EXOC6B: variants seen among roughly 807,000 people sequenced by gnomAD.
EXOC6B encodes the protein SEC15 homolog B.
Under a neutral mutation model 113.5 loss-of-function variants are expected in EXOC6B, and 54 were observed. The ratio of observed to expected loss-of-function variants is 0.48; its 90% CI spans 0.38 to 0.60. The LOEUF is 0.60. Ranked by LOEUF, EXOC6B falls within the 20% of genes least tolerant of loss-of-function variation. EXOC6B has a pLI of 0.00. For missense variants in EXOC6B, 797 were observed against 977.5 expected (o/e 0.82, Z 2.46); for synonymous variants, 357 against 339.0 (o/e 1.05, Z -0.58).
intron 8 of EXOC6B, among the ~76,000 whole-genome samples, chr2:72,532,228 G>A (rs1000576595): frequency 1.3e-5 from 2 of 152,100 alleles, no homozygotes; most frequent in Non-Finnish European, 2.9e-5. Flanking sequence ...AAAAGGAAAT[G>A]AATGGCCTCT....
intron 18 of EXOC6B, among the ~76,000 whole-genome samples, chr2:72,439,782 T>G (rs976071156): frequency 6.6e-5 from 10 of 152,214 alleles, no homozygotes; most frequent in Non-Finnish European, 1.5e-4. Flanking sequence ...ATACAGTCAT[T>G]TGGAAGAAAG....
At chr2:72,644,856 G>A (rs940532837) in intron 6 of EXOC6B, among the ~76,000 whole-genome samples, 3 of 152,086 alleles carry the variant, frequency 2.0e-5, no homozygotes, top group Admixed American at 6.5e-5. Context: ...AAAGAACATC[G>A]ATGCTAGGAA....
chr2:72,387,004 T>C (rs757295311), intron 18 of EXOC6B, among the ~76,000 whole-genome samples: 5 of 152,170 alleles, frequency 3.3e-5, no homozygotes, highest in Non-Finnish European at 5.9e-5. Flanking sequence ...TTAAGTAAAA[T>C]GTTAGCTATA....
intron 1 of EXOC6B, among the ~76,000 whole-genome samples, chr2:72,794,378 C>T (rs1272217988): frequency 6.6e-6 from 1 of 152,158 alleles, no homozygotes; most frequent in Non-Finnish European, 1.5e-5. Flanking sequence ...GTCACATAAC[C>T]TTTATTTTTA....
chr2:72,548,513 A>C (rs139956317), intron 8 of EXOC6B, among the ~76,000 whole-genome samples: 51 of 152,276 alleles, frequency 3.3e-4, no homozygotes, highest in Middle Eastern at 3.4e-3. Flanking sequence ...ACTTTTTGTT[A>C]CTTATGTTAT....
At chr2:72,479,484 G>T (rs988773095) in intron 17 of EXOC6B, among the ~76,000 whole-genome samples, 2 of 152,048 alleles carry the variant, frequency 1.3e-5, no homozygotes, top group African/African-American at 2.4e-5. Flanking sequence ...ATAAATCATG[G>T]TTCCAACTCT....
At chr2:72,304,530 T>G (rs1164573711) in intron 20 of EXOC6B, among the ~76,000 whole-genome samples, 1 of 152,228 alleles carries the variant, frequency 6.6e-6, no homozygotes, top group Non-Finnish European at 1.5e-5. Flanking sequence ...AAATGAGAGC[T>G]AATTATTATT....
intron 18 of EXOC6B, among the ~76,000 whole-genome samples, chr2:72,461,023 CA>C (rs574206763): frequency 2.0e-5 from 3 of 151,676 alleles, no homozygotes; most frequent in Non-Finnish European, 4.4e-5. Flanking sequence ...GAATACTATG[CA>C]GCCATAAAAA....
chr2:72,778,894 G>A (rs1683868208), intron 1 of EXOC6B, among the ~76,000 whole-genome samples: 1 of 151,906 alleles, frequency 6.6e-6, no homozygotes, highest in South Asian at 2.1e-4. Flanking sequence ...AAATATATTA[G>A]TTTTTTTAAA....
intron 20 of EXOC6B, among the ~76,000 whole-genome samples, chr2:72,202,680 C>T (rs963098764): frequency 6.6e-6 from 1 of 152,190 alleles, no homozygotes; most frequent in African/African-American, 2.4e-5. Context: ...CCCATGTCTA[C>T]AAGAAAATCA....
chr2:72,325,705 C>A (rs374040166), intron 20 of EXOC6B, among the ~76,000 whole-genome samples: 2 of 151,990 alleles, frequency 1.3e-5, no homozygotes, highest in East Asian at 3.9e-4. Context: ...CCTGTTCTAT[C>A]TTCACTTGTC....
intron 7 of EXOC6B, among the ~76,000 whole-genome samples, chr2:72,573,929 C>A (rs1704667261): frequency 6.6e-6 from 1 of 151,986 alleles, no homozygotes; most frequent in Non-Finnish European, 1.5e-5. Flanking sequence ...TCCTGGCTAA[C>A]ATGGTGAAAC....
intron 18 of EXOC6B, among the ~76,000 whole-genome samples, chr2:72,422,627 C>A (rs1694962547): frequency 6.6e-6 from 1 of 151,894 alleles, no homozygotes; most frequent in Admixed American, 6.6e-5. Flanking sequence ...TGTGAGTGCA[C>A]CAATCGACAC....
At chr2:72,675,403 T>G (rs1197194022) in intron 6 of EXOC6B, among the ~76,000 whole-genome samples, 1 of 152,244 alleles carries the variant, frequency 6.6e-6, no homozygotes, top group Non-Finnish European at 1.5e-5. Context: ...GATTAATTAT[T>G]TGAATTTTTT....
chr2:72,768,743 G>C (rs994805012), intron 1 of EXOC6B, among the ~76,000 whole-genome samples: 1 of 151,770 alleles, frequency 6.6e-6, no homozygotes, highest in Non-Finnish European at 1.5e-5. Context: ...TCATAGCCAA[G>C]TATATCTAAA....
At chr2:72,644,369 C>G (rs1417256269) in intron 6 of EXOC6B, among the ~76,000 whole-genome samples, 1 of 152,176 alleles carries the variant, frequency 6.6e-6, no homozygotes, top group East Asian at 1.9e-4. Context: ...TTGGAAAACA[C>G]TCTGCAGGAT....
intron 17 of EXOC6B, among the ~76,000 whole-genome samples, chr2:72,467,418 C>T (rs1698123548): frequency 6.6e-6 from 1 of 152,146 alleles, no homozygotes; most frequent in South Asian, 2.1e-4. Flanking sequence ...ATACTGTTTT[C>T]CACAATGGCT....
intron 6 of EXOC6B, among the ~76,000 whole-genome samples, chr2:72,712,475 T>C (rs1573670162): frequency 6.6e-6 from 1 of 152,166 alleles, no homozygotes; most frequent in Non-Finnish European, 1.5e-5. Context: ...TCTTTTAAGC[T>C]ATTAAGGTTG....
rs374880340 is a variant in EXOC6B, at chr2:72,704,706, G to A, written c.669+13397C>T. Among the ~76,000 whole-genome samples the A allele has an allele frequency of 1.5e-4, 23 of 150,478 alleles. No individual in the cohort carries two copies. The South Asian group carries it at 4.7e-3, about 30-fold the overall frequency. ...CAGGGAATACTACAAACACCTCTAC[G>A]CAAATAAACTAGAAAATCTAGAAGA... On this transcript the variant is annotated intron_variant, in intron 6 of 21. Transcript: ENST00000272427.
Sources: allele counts gnomAD v4.1 joint callset (sites outside exome capture counted in the v4.1 genomes callset), GRCh38; gene constraint gnomAD v4.1.1; transcripts MANE v1.5; gene names NCBI Gene and HGNC (gene_info 2026-07-23, HGNC 2026-07-21).